The following VPS35L variants were observed in gnomAD, a reference collection of about 807,000 sequenced individuals.
VPS35L encodes VPS35 endosomal protein sorting factor like.
VPS35L carries 83 observed loss-of-function variants against 133.0 expected under a neutral mutation model. The observed-to-expected ratio is 0.62, with a 90% CI of 0.52 to 0.75. The LOEUF is 0.75. Ranked by LOEUF, VPS35L falls within the 30% of genes least tolerant of loss-of-function variation. The probability of loss-of-function intolerance (pLI) is 0.00; values close to 1 mark genes in which losing one functional copy is unlikely to be tolerated. For synonymous variants in VPS35L, 423 were observed against 449.9 expected (o/e 0.94, Z 0.76); for missense variants, 1,083 against 1,206.8 (o/e 0.90, Z 1.52).
intron 1 of VPS35L, among the ~76,000 whole-genome samples, chr16:19,562,817 C>T (rs183339760): frequency 9.1e-4 from 139 of 151,946 alleles, no homozygotes; most frequent in Admixed American, 1.8e-3. Flanking sequence ...TGCAGTGGTG[C>T]GATTATAGCT....
chr16:19,628,583 C>T (rs949581759), intron 16 of VPS35L, 54 bp from the exon 17 acceptor site: 2 of 963,924 alleles, frequency 2.1e-6, no homozygotes, highest in East Asian at 5.4e-5. Flanking sequence ...CTTTGAGCTT[C>T]AAGTTAATTT....
At chr16:19,564,228 C>A (rs934450884) in intron 1 of VPS35L, among the ~76,000 whole-genome samples, 1 of 151,948 alleles carries the variant, frequency 6.6e-6, no homozygotes, top group Non-Finnish European at 1.5e-5. Context: ...CAGACATGTG[C>A]CACCACGCCC....
intron 7 of VPS35L, among the ~76,000 whole-genome samples, chr16:19,589,944 A>G (rs1971987873): frequency 6.6e-6 from 1 of 152,170 alleles, no homozygotes; most frequent in Non-Finnish European, 1.5e-5. Flanking sequence ...TGTGTATTGT[A>G]AACAGTCTCT....
chr16:19,685,051 C>CAA (rs10709905), intron 28 of VPS35L, among the ~76,000 whole-genome samples: 3 of 116,758 alleles, frequency 2.6e-5, no homozygotes, highest in African/African-American at 6.4e-5. Flanking sequence ...GACTCCATCT[C>CAA]AAAAAAAAAA....
At chr16:19,674,218 T>C (rs910428291) in intron 27 of VPS35L, among the ~76,000 whole-genome samples, 3 of 137,846 alleles carry the variant, frequency 2.2e-5, no homozygotes, top group Non-Finnish European at 3.1e-5. Context: ...TTGGAGAATC[T>C]TCCTCTGTCA....
chr16:19,565,510 T>G (rs992157648), intron 2 of VPS35L, among the ~76,000 whole-genome samples: 1 of 151,926 alleles, frequency 6.6e-6, no homozygotes, highest in Non-Finnish European at 1.5e-5. Context: ...GCTTGGCTAA[T>G]TTTTGCTATT....
At chr16:19,638,975 G>T (rs186733598) in intron 20 of VPS35L, among the ~76,000 whole-genome samples, 1 of 152,138 alleles carries the variant, frequency 6.6e-6, no homozygotes, top group Non-Finnish European at 1.5e-5. Flanking sequence ...GTGTGGTGGT[G>T]CATGCCTGTA....
At chr16:19,583,313 C>G (rs778060561) in intron 7 of VPS35L, among the ~76,000 whole-genome samples, 2 of 152,120 alleles carry the variant, frequency 1.3e-5, no homozygotes, top group African/African-American at 4.8e-5. Flanking sequence ...ATCTACCTTT[C>G]CTGGATATTT....
At position 19,651,611 on chromosome 16, in the gene VPS35L, C is replaced by G. The variant is rs9929026; in HGVS notation, c.2107-365C>G. ...GCATCCTGGCTCTGCCCTTTGTCAC[C>G]TTGCTTCTCTTTCCTCAGTTAGCCA... On this transcript the variant is annotated intron_variant, in intron 25 of 30. Transcript: ENST00000417362. 5.4e-3 allele frequency among the ~76,000 whole-genome samples: 820 copies of G among 152,320 alleles called. 6 individuals are homozygous for G. The highest frequency in any genetic ancestry group is 0.018 in the African/African-American group (759 of 41,568).
chr16:19,674,666 C>T (rs1975000529), intron 27 of VPS35L, among the ~76,000 whole-genome samples: 1 of 152,136 alleles, frequency 6.6e-6, no homozygotes, highest in South Asian at 2.1e-4. Flanking sequence ...TGTAGCAGAT[C>T]TCTAGAGCTT....
chr16:19,563,315 T>TAA (rs900116765), intron 1 of VPS35L, among the ~76,000 whole-genome samples: 3 of 135,930 alleles, frequency 2.2e-5, no homozygotes, highest in Admixed American at 7.4e-5. Context: ...CAAAAAAACT[T>TAA]AAAAAAAAAA....
chr16:19,616,524 G>GT (rs969631901), intron 13 of VPS35L, among the ~76,000 whole-genome samples, 162 bp from the exon 14 acceptor site: 14 of 146,878 alleles, frequency 9.5e-5, no homozygotes, highest in African/African-American at 1.8e-4. Context: ...AACTTTCTGT[G>GT]TTTTTTTTTG....
rs537349052 is a variant in VPS35L at position 19,602,893 on chromosome 16, C to T, written c.784+1170C>T. On this transcript the variant is annotated intron_variant, in intron 9 of 30. Coordinates refer to ENST00000417362, the MANE Select transcript of VPS35L (RefSeq NM_020314.7). ...TGCTGGGATTATAGGCATGAGCAAC[C>T]GTGCCCGTCCCTTTTTTTTTTTTCT... 1.5e-4 allele frequency among the ~76,000 whole-genome samples: 22 copies of T among 150,082 alleles called. No individual in the cohort carries two copies. In the South Asian group the frequency reaches 2.5e-3, roughly 17 times the overall value.
intron 26 of VPS35L, among the ~76,000 whole-genome samples, chr16:19,664,921 ACATGAATGTCC>A (rs1974613721): frequency 6.6e-6 from 1 of 151,926 alleles, no homozygotes; most frequent in East Asian, 1.9e-4. Flanking sequence ...AAACAAAAAA[ACATGAATGTCC>A]CATGAACCCC....
At chr16:19,652,142 T>TTGCTGCTTA (rs1259417575) in intron 26 of VPS35L, 52 bp downstream of exon 26, 2 of 1,278,864 alleles carry the variant, frequency 1.6e-6, no homozygotes, top group Non-Finnish European at 2.2e-6. Flanking sequence ...TTAGGAAAAC[T>TTGCTGCTTA]GACTCAGGTG....
chr16:19,698,873 G>T (rs900555608), intron 29 of VPS35L, among the ~76,000 whole-genome samples: 5 of 152,088 alleles, frequency 3.3e-5, no homozygotes, highest in Non-Finnish European at 7.4e-5. Context: ...TTTCCCTTTT[G>T]TCTTTATCAC....
intron 22 of VPS35L, among the ~76,000 whole-genome samples, chr16:19,643,070 G>A (rs1017378831): frequency 1.3e-5 from 2 of 152,142 alleles, no homozygotes; most frequent in African/African-American, 4.8e-5. Context: ...TACAAGAATG[G>A]AGAAAATTGT....
chr16:19,665,032 T>G (rs1792019224), intron 26 of VPS35L, among the ~76,000 whole-genome samples: 1 of 152,198 alleles, frequency 6.6e-6, no homozygotes, highest in South Asian at 2.1e-4. Context: ...TTTTTTCCTT[T>G]TCTAAAAAAA....
rs370703381 is a variant in VPS35L, at chr16:19,573,676, G to C, written c.408+435G>C. On this transcript the variant is annotated intron_variant, in intron 4 of 30. Transcript: ENST00000417362. The stretch of plus-strand genomic sequence containing the variant: ...TCTACTAAAAAAATTAGCCAGGCGT[G>C]GTGGCGGGCACCTGTAATCCTAGCT... Among the ~76,000 whole-genome samples the C allele has an allele frequency of 2.6e-5, 4 of 152,214 alleles. 1 individual carries two copies. The highest frequency in any genetic ancestry group is 9.6e-5 in the African/African-American group (4 of 41,534).
Sources: allele counts gnomAD v4.1 joint callset (sites outside exome capture counted in the v4.1 genomes callset), GRCh38; gene constraint gnomAD v4.1.1; transcripts MANE v1.5; gene names NCBI Gene and HGNC (gene_info 2026-07-23, HGNC 2026-07-21).